The following PRSS16 variants were observed in gnomAD, a reference collection of about 807,000 sequenced individuals.
The protein encoded by PRSS16 is serine protease 16.
PRSS16 carries 43 observed loss-of-function variants against 61.7 expected under a neutral mutation model. The ratio of observed to expected loss-of-function variants is 0.70; its 90% CI spans 0.55 to 0.90. The LOEUF (loss-of-function observed/expected upper bound fraction) is 0.90. PRSS16 is among the 40% of genes least tolerant of loss of function. PRSS16 has a pLI of 0.00. For synonymous variants in PRSS16, 273 were observed against 285.2 expected (o/e 0.96, Z 0.43); for missense variants, 591 against 659.1 (o/e 0.90, Z 1.13).
At position 27,251,618 on chromosome 6, in the gene PRSS16, C is replaced by CGGGGGCCTGGGG; in HGVS notation, c.718-132_718-131insGGGGGCCTGGGG. 2.9e-6 allele frequency: 3 copies of CGGGGGCCTGGGG among 1,025,818 alleles called. No homozygotes were observed. Among genetic ancestry groups the CGGGGGCCTGGGG allele is most frequent in the South Asian group, 1.9e-5 (1 of 53,632 alleles). 63.5% of individuals were successfully genotyped at this position (1,025,818 alleles called of 1,614,324 possible). ...GGGGGCCTGGGGGCGGGGGCCTGGG[C>CGGGGGCCTGGGG]CAAGAGCTAGGTCTGCACCCTCTGA... is the stretch of plus-strand genomic sequence containing the variant. On this transcript the variant is annotated intron_variant, in intron 7 of 11. Transcript: ENST00000230582. The surrounding 1 kb of genome is among the most constrained non-coding windows in gnomAD (Gnocchi z 5.6).
chr6:27,248,927 G>T lies in PRSS16; in HGVS notation c.318G>T (p.Gly106=). ...ATCTAGGGGGTGAGGGCAGCCTTGG[G>T]CCTGGCTCAGTGATGAGAGGTAAGA... ...FLHLGGEGSL[G]PGSVMRGHPA... is the part of the protein sequence containing the mutation. The change falls in exon 3 of 12, where the codon GGG becomes GGT. Residue 106 remains glycine (G), a synonymous_variant. Coordinates refer to ENST00000230582, the MANE Select transcript of PRSS16 (RefSeq NM_005865.4). 2 of 1,611,550 alleles carry T rather than the reference G, an allele frequency of 1.2e-6. No homozygotes were observed. The highest frequency in any genetic ancestry group is 1.7e-6 in the Non-Finnish European group (2 of 1,178,680).
chr6:27,249,002 G>C, intron 3 of PRSS16, 56 bp downstream of exon 3: 1 of 1,541,600 alleles, frequency 6.5e-7, no homozygotes, highest in Non-Finnish European at 8.9e-7. Context: ...CCAGGAAGGG[G>C]AGCTGCATAT....
rs1190584973 is a variant in PRSS16, at chr6:27,255,225, A to C, written c.1477-22A>C. 6.2e-7 allele frequency: 1 copy of C among 1,613,872 alleles called. No individual in the cohort carries two copies. Among genetic ancestry groups the C allele is most frequent in the East Asian group, 2.2e-5 (1 of 44,868 alleles). ...TGCTGGTGCTGAAATCTGACTTTCA[A>C]ATTCTTCCCACCTCCCCACAGAACA... is the stretch of plus-strand genomic sequence containing the variant. On this transcript the variant is annotated intron_variant, in intron 11 of 11. Transcript: ENST00000230582. The surrounding 1 kb of genome is among the most constrained non-coding windows in gnomAD (Gnocchi z 4.4).
At chr6:27,254,565 A>G (rs1759987018) in intron 9 of PRSS16, 128 bp from the exon 10 acceptor site, 2 of 892,476 alleles carry the variant, frequency 2.2e-6, no homozygotes, top group Admixed American at 4.2e-5. Context: ...GTCTGCCAGG[A>G]CTGTAAACTC....
At chr6:27,248,494 G>T (rs763729056) in intron 2 of PRSS16, among the ~76,000 whole-genome samples, 73 of 151,954 alleles carry the variant, frequency 4.8e-4, no homozygotes, top group Middle Eastern at 6.3e-3. Context: ...TCTGTATTTA[G>T]TCTCCAAATA....
Position 27,252,815 on chromosome 6 carries a change from T to G in PRSS16, c.1016T>G (p.Leu339Trp), listed in dbSNP as rs1399825454. ...CGLRRAVQIV[L>W]HSLGQKCLSF... ...ATGTACATTGTTCCCTAGATTGTCT[T>G]GCACAGCCTGGGCCAGAAGTGTTTA... The change falls in exon 9 of 12, where the codon TTG becomes TGG. Residue 339 changes from leucine (L) to tryptophan (W), a missense_variant. Physicochemically the swap from Leu to Trp is moderately conservative, Grantham distance 61. Transcript: ENST00000230582. The surrounding 1 kb of genome is among the most constrained non-coding windows in gnomAD (Gnocchi z 4.2). The G allele has an allele frequency of 6.2e-7, 1 of 1,614,072 alleles. No homozygotes were observed. The highest frequency in any genetic ancestry group is 8.5e-7 in the Non-Finnish European group (1 of 1,180,028).
rs190153998 is a variant in PRSS16, at chr6:27,255,455, T to C, written c.*140T>C. 6.1e-4 allele frequency: 509 copies of C among 828,102 alleles called. 3 individuals are homozygous for C. Among genetic ancestry groups the C allele is most frequent in the Admixed American group, 3.4e-3 (128 of 37,270 alleles). The allele number at this position is 828,102 out of a possible 1,614,324, so 51.3% of individuals were successfully genotyped here. A position where few individuals can be genotyped will look rare whatever the true frequency, so the allele number is the denominator to read the frequency against. On this transcript the variant is annotated 3_prime_UTR_variant, in exon 12 of 12. Transcript: ENST00000230582. The surrounding 1 kb of genome is among the most constrained non-coding windows in gnomAD (Gnocchi z 4.4). ...GCACCTGTTCCGCACGTAATTGGCA[T>C]GTGTCTGCAAACATCCTTATTCCCA...
rs897671948 is a variant in PRSS16 at position 27,256,193 on chromosome 6, C to G, written c.*878C>G. 2 of 152,704 alleles carry G rather than the reference C, an allele frequency of 1.3e-5. No homozygotes were observed. Among genetic ancestry groups the G allele is most frequent in the African/African-American group, 4.8e-5 (2 of 41,432 alleles). 9.5% of individuals were successfully genotyped at this position (152,704 alleles called of 1,614,324 possible). A position where few individuals can be genotyped will look rare whatever the true frequency, so the allele number is the denominator to read the frequency against. On this transcript the variant is annotated 3_prime_UTR_variant, in exon 12 of 12. Transcript: ENST00000230582. ...GTCACTTAATCTTTTCCTTCTCTAT[C>G]TCTCTTATTTAGTCTTCCTTCCACA...
At position 27,251,540 on chromosome 6, in the gene PRSS16, G is replaced by A. The variant is rs1759898556; in HGVS notation, c.718-210G>A. The A allele has an allele frequency of 1.4e-6, 1 of 731,054 alleles. No individual in the cohort carries two copies. The highest frequency in any genetic ancestry group is 2.1e-5 in the South Asian group (1 of 48,770). 45.3% of individuals were successfully genotyped at this position (731,054 alleles called of 1,614,324 possible). On this transcript the variant is annotated intron_variant, in intron 7 of 11. Coordinates refer to ENST00000230582, the MANE Select transcript of PRSS16 (RefSeq NM_005865.4). This position sits in a 1 kb window ranked among gnomAD's most constrained non-coding sequence, Gnocchi z 5.6. ...TGGGGCGGGGCCACAATGGAGGACG[G>A]GGCCTGCAGGGAAGACCCGAGAAGG...
chr6:27,253,794 C>A, intron 9 of PRSS16: 1 of 182,102 alleles, frequency 5.5e-6, no homozygotes, highest in South Asian at 1.1e-4. Context: ...GTTTCAAGGA[C>A]TAAAGGAGGT....
At chr6:27,254,951 C>T (rs374516830) in intron 10 of PRSS16, 35 bp from the exon 11 acceptor site, 20 of 1,612,228 alleles carry the variant, frequency 1.2e-5, no homozygotes, top group Middle Eastern at 3.3e-4. Context: ...TCCCAGCACC[C>T]ATCTACCTAG....
Position 27,250,798 on chromosome 6 carries a change from C to T in PRSS16, c.583C>T (p.Arg195Trp). 6.2e-7 allele frequency: 1 copy of T among 1,609,348 alleles called. No individual in the cohort carries two copies. The highest frequency in any genetic ancestry group is 8.5e-7 in the Non-Finnish European group (1 of 1,178,044). Residue 195 changes from arginine (R) to tryptophan (W), a missense_variant, in exon 5 of 12, where the codon CGG becomes TGG. Physicochemically the swap from Arg to Trp is moderately radical, Grantham distance 101. Transcript: ENST00000230582. Reference protein sequence around the residue: ...SYAGSLAAWARLKFPHLIFAS... With the variant: ...SYAGSLAAWAWLKFPHLIFAS... ...TGCCGGCTCCTTGGCCGCCTGGGCCCGGCTGAAGGTCCTGCGACTCCTCCG... is the reference window on the plus strand; with the variant it reads ...TGCCGGCTCCTTGGCCGCCTGGGCCTGGCTGAAGGTCCTGCGACTCCTCCG...
In PRSS16 at chr6:27,255,346, C is replaced by T; in HGVS notation, c.*31C>T. 1.9e-6 allele frequency: 3 copies of T among 1,568,950 alleles called. No individual in the cohort carries two copies. Among genetic ancestry groups the T allele is most frequent in the South Asian group, 2.3e-5 (2 of 87,404 alleles). On this transcript the variant is annotated 3_prime_UTR_variant, in exon 12 of 12. Transcript: ENST00000230582. This position sits in a 1 kb window ranked among gnomAD's most constrained non-coding sequence, Gnocchi z 4.4. ...ATACCCTTTCCACTCCCTGCATGGT[C>T]ACCTCAGTCCTGGACATACTTGTTC... is the stretch of plus-strand genomic sequence containing the variant.
Position 27,255,463 on chromosome 6 carries a change from C to T in PRSS16, c.*148C>T, listed in dbSNP as rs3734577. ...TCCGCACGTAATTGGCATGTGTCTGCAAACATCCTTATTCCCAACTTAAAG... is the reference window on the plus strand; with the variant it reads ...TCCGCACGTAATTGGCATGTGTCTGTAAACATCCTTATTCCCAACTTAAAG... On this transcript the variant is annotated 3_prime_UTR_variant, in exon 12 of 12. Transcript: ENST00000230582. This position sits in a 1 kb window ranked among gnomAD's most constrained non-coding sequence, Gnocchi z 4.4. 0.069 allele frequency: 51,337 copies of T among 748,032 alleles called. 2,576 individuals carry two copies. The highest frequency in any genetic ancestry group is 0.19 in the African/African-American group (10,558 of 56,562). 46.3% of individuals were successfully genotyped at this position (748,032 alleles called of 1,614,324 possible).
chr6:27,255,083 G>A lies in PRSS16; in HGVS notation c.1428G>A (p.Met476Ile). ...GCACTGGCTCCCACTGCTTGGACAT[G>A]GCACCTGAGAGGCCCTCAGACTCCC... ...LIRTGSHCLD[M>I]APERPSDSPS... The change falls in exon 11 of 12, where the codon ATG becomes ATA. Residue 476 changes from methionine to isoleucine, a missense_variant. Coordinates refer to ENST00000230582, the MANE Select transcript of PRSS16 (RefSeq NM_005865.4). This position sits in a 1 kb window ranked among gnomAD's most constrained non-coding sequence, Gnocchi z 4.4. 1 of 1,614,178 alleles carries A rather than the reference G, an allele frequency of 6.2e-7. No individual in the cohort carries two copies. Among genetic ancestry groups the A allele is most frequent in the South Asian group, 1.1e-5 (1 of 91,086 alleles).
In PRSS16 at chr6:27,251,746, A is replaced by C. The variant is rs1349918795; in HGVS notation, c.718-4A>C. 1 of 1,596,512 alleles carries C rather than the reference A, an allele frequency of 6.3e-7. No homozygotes were observed. ...TGGCGGACATCGCCTCTTGCTTCCC[A>C]CAGTGCCGGGCGGCGGTGTCCGTCG... On this transcript the variant is annotated splice_polypyrimidine_tract_variant and splice_region_variant and intron_variant, in intron 7 of 11. Transcript: ENST00000230582. The surrounding 1 kb of genome is among the most constrained non-coding windows in gnomAD (Gnocchi z 5.6).
In PRSS16 at chr6:27,251,540, G is replaced by C. The variant is rs1759898556; in HGVS notation, c.718-210G>C. The C allele has an allele frequency of 1.4e-6, 1 of 731,054 alleles. No individual in the cohort carries two copies. The highest frequency in any genetic ancestry group is 2.8e-5 in the East Asian group (1 of 35,302). 45.3% of individuals were successfully genotyped at this position (731,054 alleles called of 1,614,324 possible). On this transcript the variant is annotated intron_variant, in intron 7 of 11. Transcript: ENST00000230582. The surrounding 1 kb of genome is among the most constrained non-coding windows in gnomAD (Gnocchi z 5.6). Reference sequence around the variant, plus strand: ...TGGGGCGGGGCCACAATGGAGGACGGGGCCTGCAGGGAAGACCCGAGAAGG... The same window carrying C: ...TGGGGCGGGGCCACAATGGAGGACGCGGCCTGCAGGGAAGACCCGAGAAGG...
Position 27,255,346 on chromosome 6 carries a change from C to A in PRSS16, c.*31C>A. 6.4e-7 allele frequency: 1 copy of A among 1,568,946 alleles called. No individual in the cohort carries two copies. The highest frequency in any genetic ancestry group is 1.1e-5 in the South Asian group (1 of 87,404). ...ATACCCTTTCCACTCCCTGCATGGT[C>A]ACCTCAGTCCTGGACATACTTGTTC... is the stretch of plus-strand genomic sequence containing the variant. On this transcript the variant is annotated 3_prime_UTR_variant, in exon 12 of 12. Transcript: ENST00000230582. This position sits in a 1 kb window ranked among gnomAD's most constrained non-coding sequence, Gnocchi z 4.4.
Position 27,251,780 on chromosome 6 carries a change from G to C in PRSS16, c.748G>C (p.Glu250Gln). Residue 250 changes from glutamate to glutamine, a missense_variant, in exon 8 of 12, where the codon GAA (glutamate) becomes CAA (glutamine). Physicochemically the swap from Glu to Gln is conservative, Grantham distance 29 (BLOSUM62 2). Coordinates refer to ENST00000230582, the MANE Select transcript of PRSS16 (RefSeq NM_005865.4). This position sits in a 1 kb window ranked among gnomAD's most constrained non-coding sequence, Gnocchi z 5.6. ...CRAAVSVAFA[E>Q]VERRLRSGGA... ...GGCGGCGGTGTCCGTCGCCTTCGCT[G>C]AAGTGGAGCGGCGGCTGCGCTCGGG... 2 of 1,608,848 alleles carry C rather than the reference G, an allele frequency of 1.2e-6. No individual in the cohort carries two copies. Among genetic ancestry groups the C allele is most frequent in the Non-Finnish European group, 1.7e-6 (2 of 1,178,898 alleles).
Sources: allele counts gnomAD v4.1 joint callset (sites outside exome capture counted in the v4.1 genomes callset), GRCh38; gene constraint gnomAD v4.1.1; non-coding constraint Gnocchi (gnomAD v3.1); transcripts MANE v1.5; gene names NCBI Gene and HGNC (gene_info 2026-07-23, HGNC 2026-07-21).